TAB2: variants seen among roughly 807,000 people sequenced by gnomAD.
TAB2 encodes the protein TGF-beta-activated kinase 1 and MAP3K7-binding protein 2.
A neutral mutation model predicts 65.0 loss-of-function variants in TAB2; 3 were observed. The observed-to-expected ratio is 0.05, with a 90% CI of 0.02 to 0.12. The LOEUF is 0.12. TAB2 is among the 10% of genes least tolerant of loss of function. TAB2 has a pLI of 1.00. For synonymous variants in TAB2, 298 were observed against 285.1 expected (o/e 1.05, Z -0.46); for missense variants, 623 against 840.3 (o/e 0.74, Z 3.20).
intron 1 of TAB2, among the ~76,000 whole-genome samples, chr6:149,328,742 A>G (rs1464841878): frequency 6.6e-6 from 1 of 152,178 alleles, no homozygotes; most frequent in Non-Finnish European, 1.5e-5. Flanking sequence ...CATGTGATAT[A>G]CTGTGACAAA....
chr6:149,406,889 G>A (rs1434876429), intron 6 of TAB2, among the ~76,000 whole-genome samples: 1 of 151,984 alleles, frequency 6.6e-6, no homozygotes, highest in African/African-American at 2.4e-5. Flanking sequence ...AGCTAATTTT[G>A]TATTTTTAGT....
At position 149,357,639 on chromosome 6, in the gene TAB2, T is replaced by C. The variant is rs75367844; in HGVS notation, c.-89-12270T>C. On this transcript the variant is annotated intron_variant, in intron 1 of 6. Coordinates refer to ENST00000637181, the MANE Select transcript of TAB2 (RefSeq NM_001292034.3). ...AACTTAATACTTTACAACATTTAAC[T>C]TGTTTCTGAATTTGTCATGTTATAA... is the stretch of plus-strand genomic sequence containing the variant. Among the ~76,000 whole-genome samples the C allele has an allele frequency of 3.6e-4, 55 of 152,288 alleles. No individual in the cohort carries two copies. The East Asian group carries it at 8.1e-3, about 22-fold the overall frequency.
At chr6:149,336,498 A>C (rs749762719) in intron 1 of TAB2, among the ~76,000 whole-genome samples, 4 of 152,146 alleles carry the variant, frequency 2.6e-5, no homozygotes, top group African/African-American at 4.8e-5. Context: ...CACATAGCAC[A>C]TGTCTCCGGG....
At chr6:149,245,886 C>T (rs1272759633) in intron 1 of TAB2, among the ~76,000 whole-genome samples, 1 of 152,180 alleles carries the variant, frequency 6.6e-6, no homozygotes, top group Non-Finnish European at 1.5e-5. Flanking sequence ...ACATTTCTCC[C>T]TCCTCTGCGT....
At chr6:149,382,733 T>C (rs370543286) in intron 3 of TAB2, among the ~76,000 whole-genome samples, 17 of 152,318 alleles carry the variant, frequency 1.1e-4, no homozygotes, top group African/African-American at 3.8e-4. Flanking sequence ...GCTTCACTTA[T>C]AGCCCATGGT....
intron 1 of TAB2, among the ~76,000 whole-genome samples, chr6:149,357,853 C>T (rs952333635): frequency 1.3e-5 from 2 of 152,120 alleles, no homozygotes; most frequent in African/African-American, 4.8e-5. Context: ...GCATCCACCC[C>T]TACGCCCGGC....
At chr6:149,395,331 TAGTA>T (rs1782128667) in intron 3 of TAB2, among the ~76,000 whole-genome samples, 1 of 152,258 alleles carries the variant, frequency 6.6e-6, no homozygotes, top group African/African-American at 2.4e-5. Flanking sequence ...TTGTGATTTC[TAGTA>T]TATTTGGAAT....
upstream of TAB2, among the ~76,000 whole-genome samples, chr6:149,314,917 CTTGTT>C (rs1779224924): frequency 6.9e-6 from 1 of 143,918 alleles, no homozygotes; most frequent in Admixed American, 6.9e-5. Flanking sequence ...GAAAGCCAGT[CTTGTT>C]TTTTCCTTTT....
chr6:149,271,222 A>AT (rs952286126), intron 1 of TAB2, among the ~76,000 whole-genome samples: 20 of 151,278 alleles, frequency 1.3e-4, no homozygotes, highest in Admixed American at 9.2e-4. Flanking sequence ...AAATATATAT[A>AT]TTTTTTAAAA....
At chr6:149,230,807 G>A (rs939336142) in intron 1 of TAB2, among the ~76,000 whole-genome samples, 12 of 152,272 alleles carry the variant, frequency 7.9e-5, no homozygotes, top group South Asian at 4.1e-4. Context: ...ATTGGACCCC[G>A]CTTTTGACAC....
At chr6:149,355,582 G>T (rs911256562) in intron 1 of TAB2, among the ~76,000 whole-genome samples, 5 of 150,734 alleles carry the variant, frequency 3.3e-5, no homozygotes, top group African/African-American at 1.2e-4. Context: ...CAGGAGAATC[G>T]CTTGAACCCA....
chr6:149,267,761 G>C (rs1457812900), intron 1 of TAB2, among the ~76,000 whole-genome samples: 1 of 152,028 alleles, frequency 6.6e-6, no homozygotes, highest in Admixed American at 6.5e-5. Flanking sequence ...ATTGCTCCTA[G>C]GTGACAAGCC....
chr6:149,381,262 C>T (rs964529879), intron 3 of TAB2, among the ~76,000 whole-genome samples: 8 of 152,104 alleles, frequency 5.3e-5, no homozygotes, highest in Non-Finnish European at 1.2e-4. Context: ...TTAACTACAA[C>T]CATTTTTGTT....
At chr6:149,357,187 G>A (rs1012832844) in intron 1 of TAB2, among the ~76,000 whole-genome samples, 1 of 152,090 alleles carries the variant, frequency 6.6e-6, no homozygotes, top group African/African-American at 2.4e-5. Flanking sequence ...GGAGGCTGAG[G>A]CAGGCAGATC....
chr6:149,232,995 C>T (rs890475957), intron 1 of TAB2, among the ~76,000 whole-genome samples: 4 of 152,280 alleles, frequency 2.6e-5, no homozygotes, highest in Admixed American at 6.5e-5. Flanking sequence ...GCCAGGAGTA[C>T]CCACTCCCAT....
chr6:149,308,782 T>C (rs1779114734), intron 1 of TAB2, among the ~76,000 whole-genome samples: 1 of 152,152 alleles, frequency 6.6e-6, no homozygotes, highest in African/African-American at 2.4e-5. Flanking sequence ...CACCTCAGCC[T>C]CCCAAAGTGC....
intron 1 of TAB2, among the ~76,000 whole-genome samples, chr6:149,274,515 T>G (rs1392824450): frequency 6.6e-6 from 1 of 152,198 alleles, no homozygotes; most frequent in Non-Finnish European, 1.5e-5. Flanking sequence ...TTATGCCCTG[T>G]GATAATGGGA....
chr6:149,387,276 C>G (rs75015416), intron 3 of TAB2, among the ~76,000 whole-genome samples: 9,209 of 152,204 alleles, frequency 0.061, 391 homozygotes, highest in Middle Eastern at 0.13. Flanking sequence ...CATTCTGATG[C>G]AATTTCTATA....
At chr6:149,357,319 G>A (rs1383080863) in intron 1 of TAB2, among the ~76,000 whole-genome samples, 2 of 151,754 alleles carry the variant, frequency 1.3e-5, no homozygotes, top group Non-Finnish European at 2.9e-5. Context: ...AGGAGGCTGA[G>A]GCAGGAGAAT....
Sources: gnomAD v4.1 joint callset for allele counts (sites outside exome capture counted in the v4.1 genomes callset) on GRCh38, gnomAD v4.1.1 for gene constraint, MANE v1.5 for transcripts, NCBI Gene and HGNC (gene_info 2026-07-23, HGNC 2026-07-21) for gene names.